ZMYND11: variants seen among roughly 807,000 people sequenced by gnomAD.
The protein encoded by ZMYND11 is zinc finger MYND-type containing 11.
ZMYND11 carries 9 observed loss-of-function variants against 84.9 expected under a neutral mutation model. The observed-to-expected ratio is 0.11, with a 90% CI of 0.06 to 0.18. ZMYND11 has a LOEUF of 0.18. Among genes scored for constraint, ZMYND11 ranks in the 10% least tolerant of loss-of-function variants. The pLI is 1.00. For missense variants in ZMYND11, 409 were observed against 761.0 expected, an observed-to-expected ratio of 0.54 and a Z score of 5.44; for synonymous variants, 250 against 244.1, an observed-to-expected ratio of 1.02 and a Z score of -0.23.
intron 1 of ZMYND11, among the ~76,000 whole-genome samples, chr10:155,256 C>T (rs1841423707): frequency 6.6e-6 from 1 of 152,066 alleles, no homozygotes; most frequent in South Asian, 2.1e-4. Context: ...TGACTACATA[C>T]AATTTAAAAA....
At chr10:161,390 A>G (rs9419433) in intron 1 of ZMYND11, among the ~76,000 whole-genome samples, 1 of 152,280 alleles carries the variant, frequency 6.6e-6, no homozygotes, top group Admixed American at 6.5e-5. Context: ...CAGAGTAGAT[A>G]TAGCATAATT....
intron 4 of ZMYND11, among the ~76,000 whole-genome samples, chr10:235,543 C>G (rs1165743499): frequency 1.3e-5 from 2 of 152,158 alleles, no homozygotes; most frequent in African/African-American, 4.8e-5. Context: ...AATGAACAAG[C>G]AAATACGAAT....
At chr10:242,181 T>C in intron 10 of ZMYND11, 42 bp downstream of exon 10, 1 of 1,605,588 alleles carries the variant, frequency 6.2e-7, no homozygotes, top group Non-Finnish European at 8.5e-7. Context: ...GCTGTGCTTA[T>C]GAAGTCCTTA....
Position 253,321 on chromosome 10 carries a change from T to G in ZMYND11, c.*851T>G, listed in dbSNP as rs1953846862. 6.6e-6 allele frequency: 1 copy of G among 152,660 alleles called. No individual in the cohort carries two copies. The highest frequency in any genetic ancestry group is 2.4e-5 in the African/African-American group (1 of 41,456). The allele number at this position is 152,660 out of a possible 1,614,324, so 9.5% of individuals were successfully genotyped here. On this transcript the variant is annotated 3_prime_UTR_variant, in exon 15 of 15. Transcript: ENST00000381604. ...CATACGAATTTGTTTAATGCTTCCC[T>G]TCCCTTCCCACATATCATCTCACTG...
At chr10:233,259 C>G (rs1949322489) in intron 4 of ZMYND11, among the ~76,000 whole-genome samples, 1 of 152,192 alleles carries the variant, frequency 6.6e-6, no homozygotes. Flanking sequence ...CAAGTCTTAG[C>G]TGTGCCGTTT....
chr10:194,037 T>C (rs1941120453), intron 2 of ZMYND11, among the ~76,000 whole-genome samples: 1 of 151,988 alleles, frequency 6.6e-6, no homozygotes, highest in South Asian at 2.1e-4. Context: ...CAGGATGGAG[T>C]GCAATAGTAC....
intron 1 of ZMYND11, among the ~76,000 whole-genome samples, chr10:168,169 A>G (rs1844456502): frequency 6.6e-6 from 1 of 152,168 alleles, no homozygotes; most frequent in African/African-American, 2.4e-5. Flanking sequence ...CTACATATGC[A>G]ATAATTGTAT....
intron 3 of ZMYND11, 58 bp downstream of exon 3, chr10:210,106 T>C: frequency 9.0e-6 from 14 of 1,558,656 alleles, no homozygotes; most frequent in Middle Eastern, 1.7e-4. Flanking sequence ...TTAAACATTA[T>C]TTAGATACAA....
At chr10:166,072 A>G (rs1417398407) in intron 1 of ZMYND11, among the ~76,000 whole-genome samples, 1 of 152,052 alleles carries the variant, frequency 6.6e-6, no homozygotes, top group African/African-American at 2.4e-5. Context: ...ATGAAATTGG[A>G]CCACCTACCT....
intron 14 of ZMYND11, among the ~76,000 whole-genome samples, chr10:251,627 A>G (rs185373221): frequency 9.0e-4 from 137 of 152,266 alleles, no homozygotes; most frequent in East Asian, 7.7e-4. Context: ...TGTTCATGGT[A>G]CTACTGTTAG....
At chr10:135,304 T>G (rs1390743140), upstream of ZMYND11, 1 of 149,820 alleles carries the variant, frequency 6.7e-6, no homozygotes, top group Non-Finnish European at 1.5e-5. This position sits in a 1 kb window ranked among gnomAD's most constrained non-coding sequence, Gnocchi z 5.6. Context: ...TTCTCTGAGG[T>G]GGAGTATTAC....
chr10:242,436 T>C (rs1951183201), intron 10 of ZMYND11, among the ~76,000 whole-genome samples: 1 of 152,166 alleles, frequency 6.6e-6, no homozygotes, highest in Admixed American at 6.5e-5. Flanking sequence ...TTCCATAATA[T>C]GGTAATGGAA....
At chr10:189,176 C>T (rs755024832) in intron 2 of ZMYND11, among the ~76,000 whole-genome samples, 7 of 152,310 alleles carry the variant, frequency 4.6e-5, no homozygotes, top group Non-Finnish European at 8.8e-5. Context: ...TCTGAGTTCT[C>T]CTGGAGTTCT....
At chr10:240,426 C>T (rs979242975) in intron 8 of ZMYND11, among the ~76,000 whole-genome samples, 4 of 152,198 alleles carry the variant, frequency 2.6e-5, no homozygotes, top group East Asian at 3.8e-4. Flanking sequence ...ATCGCTTGAA[C>T]GTGGAAGGTG....
chr10:203,632 A>G (rs2448373), intron 2 of ZMYND11, among the ~76,000 whole-genome samples: 98,423 of 152,020 alleles, frequency 0.65, 32,049 homozygotes, highest in East Asian at 0.83. Context: ...AAGGCTGGCA[A>G]GCTTACATGG....
intron 2 of ZMYND11, among the ~76,000 whole-genome samples, chr10:181,446 C>T (rs1588705370): frequency 1.3e-5 from 2 of 152,210 alleles, no homozygotes; most frequent in East Asian, 3.9e-4. Flanking sequence ...TGGTGAAACC[C>T]TGTCTCTGCC....
intron 1 of ZMYND11, among the ~76,000 whole-genome samples, chr10:139,426 CA>C (rs1836934749): frequency 6.6e-6 from 1 of 152,148 alleles, no homozygotes; most frequent in African/African-American, 2.4e-5. Flanking sequence ...TACATACTTT[CA>C]GTTACTTGCA....
chr10:239,063 G>C (rs1466965300), intron 6 of ZMYND11, among the ~76,000 whole-genome samples: 1 of 152,212 alleles, frequency 6.6e-6, no homozygotes, highest in African/African-American at 2.4e-5. Context: ...CTCCTGTGTT[G>C]TAAAGAATGA....
chr10:240,824 A>AGCC, intron 8 of ZMYND11, 69 bp from the exon 9 acceptor site: 1 of 1,129,822 alleles, frequency 8.9e-7, no homozygotes, highest in South Asian at 1.4e-5. Flanking sequence ...ATTTACATGG[A>AGCC]TACATTTTAT....
Sources: gnomAD v4.1 joint callset for allele counts (sites outside exome capture counted in the v4.1 genomes callset) on GRCh38, gnomAD v4.1.1 for gene constraint, Gnocchi (gnomAD v3.1) non-coding constraint, MANE v1.5 for transcripts, NCBI Gene and HGNC (gene_info 2026-07-23, HGNC 2026-07-21) for gene names.